Variants in TACC3 observed in about 807,000 individuals in gnomAD.
TACC3 encodes the protein transforming acidic coiled-coil-containing protein 3.
In TACC3, 52 loss-of-function variants were observed where a neutral mutation model predicts 86.0. That is an observed-to-expected ratio of 0.60 (90% CI 0.48 to 0.76). The LOEUF is 0.76. Ranked by LOEUF, TACC3 falls within the 30% of genes least tolerant of loss-of-function variation. TACC3 has a pLI of 0.00. For missense variants in TACC3, 1,120 were observed against 1,070.4 expected (o/e 1.05, Z -0.65); for synonymous variants, 512 against 430.0 (o/e 1.19, Z -2.36).
chr4:1,728,085 C>T lies in TACC3; in HGVS notation c.683C>T (p.Thr228Ile). ...HGAEEECKAE[T>I]PHGAEEECRH... Reference sequence around the variant, plus strand: ...GCCGAGGAAGAATGCAAAGCGGAGACTCCGCACGGAGCCGAGGAGGAATGC... The same window carrying T: ...GCCGAGGAAGAATGCAAAGCGGAGATTCCGCACGGAGCCGAGGAGGAATGC... The change falls in exon 4 of 16, where the codon ACT becomes ATT. Residue 228 changes from threonine to isoleucine, a missense_variant. Physicochemically the swap from Thr to Ile is moderately conservative, Grantham distance 89. Coordinates refer to ENST00000313288, the MANE Select transcript of TACC3 (RefSeq NM_006342.3). 2 of 1,596,500 alleles carry T rather than the reference C, an allele frequency of 1.3e-6. No homozygotes were observed. Among genetic ancestry groups the T allele is most frequent in the Non-Finnish European group, 1.7e-6 (2 of 1,173,430 alleles).
chr4:1,740,009 G>T lies in TACC3; in HGVS notation c.2062+7G>T, dbSNP rs781143586. 6.2e-7 allele frequency: 1 copy of T among 1,612,890 alleles called. No homozygotes were observed. Among genetic ancestry groups the T allele is most frequent in the Non-Finnish European group, 8.5e-7 (1 of 1,179,954 alleles). On this transcript the variant is annotated splice_region_variant and intron_variant, in intron 12 of 15. Coordinates refer to ENST00000313288, the MANE Select transcript of TACC3 (RefSeq NM_006342.3). ...GTTGTGTACCAGGCCATGGGTGAGTGCCCGGGCCACCGAGGCCACGTGCCT... is the reference window on the plus strand; with the variant it reads ...GTTGTGTACCAGGCCATGGGTGAGTTCCCGGGCCACCGAGGCCACGTGCCT...
intron 3 of TACC3, 23 bp from the exon 4 acceptor site, chr4:1,727,685 G>A (rs375021160): frequency 1.2e-4 from 186 of 1,549,142 alleles, no homozygotes; most frequent in Non-Finnish European, 1.5e-4. Context: ...GCTGCTTCAC[G>A]TTGATTAAGT....
At chr4:1,723,397 C>A (rs1292542270) in intron 1 of TACC3, 24 bp from the exon 2 acceptor site, 2 of 1,607,598 alleles carry the variant, frequency 1.2e-6, no homozygotes, top group Non-Finnish European at 1.7e-6. Context: ...CTCACACTGA[C>A]ACAAACATGT....
intron 1 of TACC3, among the ~76,000 whole-genome samples, chr4:1,722,901 C>T (rs1329036802): frequency 1.3e-5 from 2 of 152,274 alleles, no homozygotes; most frequent in South Asian, 2.1e-4. Flanking sequence ...TTCACCCTCT[C>T]AGCCTGGTCT....
chr4:1,730,683 C>G, intron 4 of TACC3: 1 of 713,674 alleles, frequency 1.4e-6, no homozygotes, highest in Non-Finnish European at 2.6e-6. Context: ...AGGCAAGGCG[C>G]GTGTTTTCCT....
At chr4:1,730,487 G>A (rs1440055514) in intron 4 of TACC3, 1 of 368,596 alleles carries the variant, frequency 2.7e-6, no homozygotes, top group Admixed American at 3.6e-5. Flanking sequence ...TATGATACTG[G>A]AACAGCTTGT....
intron 13 of TACC3, chr4:1,741,270 T>G: frequency 3.4e-6 from 1 of 294,152 alleles, no homozygotes; most frequent in Non-Finnish European, 6.3e-6. Context: ...ATCTGTGAGA[T>G]TTGAGACAGC....
In TACC3 at chr4:1,737,307, C is replaced by A. The variant is rs765864262; in HGVS notation, c.1815C>A (p.Phe605Leu). ...PREAKLVEFD[F>L]LGALDIPVPG... is the part of the protein sequence containing the mutation. The stretch of plus-strand genomic sequence containing the variant: ...AAGCCAAGCTTGTGGAGTTCGATTT[C>A]TTGGGAGCACTGGACATTCCTGTAA... The change falls in exon 9 of 16, where the codon TTC (phenylalanine) becomes TTA (leucine). Residue 605 changes from phenylalanine to leucine, a missense_variant. Physicochemically the swap from Phe to Leu is conservative, Grantham distance 22. Coordinates refer to ENST00000313288, the MANE Select transcript of TACC3 (RefSeq NM_006342.3). 1 of 1,614,100 alleles carries A rather than the reference C, an allele frequency of 6.2e-7. No homozygotes were observed. Among genetic ancestry groups the A allele is most frequent in the East Asian group, 2.2e-5 (1 of 44,884 alleles).
rs776257404 is a variant in TACC3 at position 1,745,094 on chromosome 4, T to C, written c.*81T>C. ...TTCTCTTAGGTGTCATGTTCTTTTT[T>C]CTGTCTTGTCTTCAACTTTTTTAAA... On this transcript the variant is annotated 3_prime_UTR_variant, in exon 16 of 16. Transcript: ENST00000313288. 11 of 1,407,604 alleles carry C rather than the reference T, an allele frequency of 7.8e-6. No homozygotes were observed. The highest frequency in any genetic ancestry group is 1.4e-5 in the African/African-American group (1 of 69,276). 87.2% of individuals were successfully genotyped at this position (1,407,604 alleles called of 1,614,324 possible). A position where few individuals can be genotyped will look rare whatever the true frequency, so the allele number is the denominator to read the frequency against.
chr4:1,722,448 T>C (rs530102171), intron 1 of TACC3, among the ~76,000 whole-genome samples: 73 of 152,272 alleles, frequency 4.8e-4, no homozygotes, highest in African/African-American at 1.5e-3. Context: ...CATCTACTCC[T>C]TGGGCTCCAG....
At chr4:1,737,743 C>A (rs577034666) in intron 10 of TACC3, 41 bp downstream of exon 10, 1 of 1,526,162 alleles carries the variant, frequency 6.6e-7, no homozygotes, top group Admixed American at 2.0e-5. Flanking sequence ...AACCTGCAGG[C>A]CGCTCTGGGG....
intron 1 of TACC3, among the ~76,000 whole-genome samples, chr4:1,722,431 G>A (rs1454541993): frequency 1.3e-5 from 2 of 152,180 alleles, no homozygotes. Context: ...GCCCGGGTCT[G>A]GTCTGGCATC....
chr4:1,730,759 C>A, intron 4 of TACC3, 128 bp from the exon 5 acceptor site: 2 of 1,102,040 alleles, frequency 1.8e-6, no homozygotes, highest in Non-Finnish European at 2.7e-6. Context: ...GCCTGGCACG[C>A]TCTAGCTGAA....
In TACC3 at chr4:1,735,475, C is replaced by T; in HGVS notation, c.1644+150C>T. 1.1e-6 allele frequency: 1 copy of T among 916,748 alleles called. No homozygotes were observed. 56.8% of individuals were successfully genotyped at this position (916,748 alleles called of 1,614,324 possible). A position where few individuals can be genotyped will look rare whatever the true frequency, so the allele number is the denominator to read the frequency against. On this transcript the variant is annotated intron_variant, in intron 7 of 15. Coordinates refer to ENST00000313288, the MANE Select transcript of TACC3 (RefSeq NM_006342.3). The surrounding 1 kb of genome is among the most constrained non-coding windows in gnomAD (Gnocchi z 4.2). ...GTGGCGGGCTGTGAATCCAGGGCCC[C>T]TTCTGCAGCACCTCCTCTAAGTGGT...
At chr4:1,740,267 G>A (rs1418116864) in intron 12 of TACC3, 3 of 570,220 alleles carry the variant, frequency 5.3e-6, no homozygotes, top group Non-Finnish European at 6.3e-6. Context: ...TGGGGCTGTG[G>A]TGGGAGCAGA....
intron 3 of TACC3, among the ~76,000 whole-genome samples, chr4:1,724,146 T>G (rs1250283346): frequency 2.7e-5 from 4 of 149,442 alleles, no homozygotes; most frequent in Non-Finnish European, 4.5e-5. Context: ...TTTTTTTGTA[T>G]TTTTAGTAAA....
rs1332950951 is a variant in TACC3 at position 1,739,756 on chromosome 4, C to T, written c.1996C>T (p.His666Tyr). The T allele has an allele frequency of 3.8e-6, 6 of 1,587,018 alleles. No homozygotes were observed. Among genetic ancestry groups the T allele is most frequent in the Non-Finnish European group, 4.3e-6 (5 of 1,167,912 alleles). ...RELRSRCEELHGKNLELGKIM... is the reference protein window; with the variant it reads ...RELRSRCEELYGKNLELGKIM... ...GCTGAGGAGCAGGTGTGAGGAGCTCCACGGGAAGAACCTGGAACTGGGGTA... is the reference window on the plus strand; with the variant it reads ...GCTGAGGAGCAGGTGTGAGGAGCTCTACGGGAAGAACCTGGAACTGGGGTA... The change falls in exon 11 of 16, where the codon CAC becomes TAC. Residue 666 changes from histidine to tyrosine, a missense_variant. Physicochemically the swap from His to Tyr is moderately conservative, Grantham distance 83. Coordinates refer to ENST00000313288, the MANE Select transcript of TACC3 (RefSeq NM_006342.3).
chr4:1,722,341 C>T (rs971900865), intron 1 of TACC3, among the ~76,000 whole-genome samples: 4 of 152,218 alleles, frequency 2.6e-5, no homozygotes, highest in Non-Finnish European at 2.9e-5. Flanking sequence ...GATCCAGCAC[C>T]CCTTCCCCTG....
chr4:1,725,349 C>A (rs920420547), intron 3 of TACC3, among the ~76,000 whole-genome samples: 4 of 152,196 alleles, frequency 2.6e-5, no homozygotes, highest in Non-Finnish European at 5.9e-5. Flanking sequence ...GCAGCATTTC[C>A]TACATCCTTC....
Sources: allele counts gnomAD v4.1 joint callset (sites outside exome capture counted in the v4.1 genomes callset), GRCh38; gene constraint gnomAD v4.1.1; non-coding constraint Gnocchi (gnomAD v3.1); transcripts MANE v1.5; gene names NCBI Gene and HGNC (gene_info 2026-07-23, HGNC 2026-07-21).